The following PRDM5 variants were observed in gnomAD, a reference collection of about 807,000 sequenced individuals.
PRDM5 encodes the protein PR domain zinc finger protein 5.
Under a neutral mutation model 81.2 loss-of-function variants are expected in PRDM5, and 56 were observed. The ratio of observed to expected loss-of-function variants is 0.69; its 90% CI spans 0.56 to 0.86. The LOEUF (loss-of-function observed/expected upper bound fraction) is 0.86. PRDM5 is among the 40% of genes least tolerant of loss of function. The pLI is 0.00. For missense variants in PRDM5, 697 were observed against 770.1 expected, an observed-to-expected ratio of 0.91 and a Z score of 1.12; for synonymous variants, 267 against 256.4, an observed-to-expected ratio of 1.04 and a Z score of -0.39.
chr4:120,899,607 C>T (rs1765021772), intron 2 of PRDM5, among the ~76,000 whole-genome samples: 1 of 152,184 alleles, frequency 6.6e-6, no homozygotes, highest in Non-Finnish European at 1.5e-5. Context: ...CAGAACACTT[C>T]TACTACCACA....
chr4:120,803,132 T>C (rs1040817326), intron 8 of PRDM5, among the ~76,000 whole-genome samples: 1 of 151,822 alleles, frequency 6.6e-6, no homozygotes, highest in African/African-American at 2.4e-5. Flanking sequence ...ATGGATGAAA[T>C]GAAGCGAGAA....
chr4:120,696,157 A>G (rs192279716), intron 15 of PRDM5, among the ~76,000 whole-genome samples: 3 of 152,132 alleles, frequency 2.0e-5, no homozygotes, highest in Non-Finnish European at 2.9e-5. Context: ...TAATTGGGTA[A>G]GAAGGGGGTA....
At position 120,823,868 on chromosome 4, in the gene PRDM5, G is replaced by T. The variant is rs540614485; in HGVS notation, c.301-2523C>A. ...GCCTGATGGGAAGTGTTTGGGTCAT[G>T]GGGACAGACCTCTCATACATGGCTT... On this transcript the variant is annotated intron_variant, in intron 3 of 15. Coordinates refer to ENST00000264808, the MANE Select transcript of PRDM5 (RefSeq NM_018699.4). Among the ~76,000 whole-genome samples the T allele has an allele frequency of 2.6e-5, 4 of 152,322 alleles. No individual in the cohort carries two copies. The South Asian group carries it at 6.2e-4, about 24-fold the overall frequency.
downstream of PRDM5, among the ~76,000 whole-genome samples, chr4:120,690,756 C>A (rs535691000): frequency 6.6e-6 from 1 of 152,188 alleles, no homozygotes; most frequent in South Asian, 2.1e-4. Flanking sequence ...TTAAGTGTAG[C>A]TAATTCCTAG....
chr4:120,829,024 G>C (rs1015219), intron 3 of PRDM5, among the ~76,000 whole-genome samples: 8,066 of 152,044 alleles, frequency 0.053, 342 homozygotes, highest in Middle Eastern at 0.15. Flanking sequence ...GAATTTAAAA[G>C]GAAAAGTACA....
At chr4:120,742,202 ACCT>A (rs1324713170) in intron 14 of PRDM5, among the ~76,000 whole-genome samples, 1 of 152,160 alleles carries the variant, frequency 6.6e-6, no homozygotes, top group Non-Finnish European at 1.5e-5. Flanking sequence ...ACTCCAACAG[ACCT>A]GAAGCTGAGG....
chr4:120,866,850 T>C (rs143224175), intron 2 of PRDM5, among the ~76,000 whole-genome samples: 1 of 152,330 alleles, frequency 6.6e-6, no homozygotes, highest in East Asian at 1.9e-4. Context: ...ATATCACTCC[T>C]ATGATCATGT....
intron 2 of PRDM5, among the ~76,000 whole-genome samples, chr4:120,903,294 A>G (rs1765411902): frequency 6.6e-6 from 1 of 152,190 alleles, no homozygotes; most frequent in Admixed American, 6.5e-5. Flanking sequence ...TCCCTTTGGA[A>G]AGACTCAAAC....
At chr4:120,723,830 C>A (rs889126439) in intron 14 of PRDM5, among the ~76,000 whole-genome samples, 1 of 149,962 alleles carries the variant, frequency 6.7e-6, no homozygotes, top group Non-Finnish European at 1.5e-5. Flanking sequence ...ATGTAACTGT[C>A]TTTTTCTCTT....
chr4:120,758,181 T>C (rs1770661535), intron 13 of PRDM5, among the ~76,000 whole-genome samples: 1 of 152,206 alleles, frequency 6.6e-6, no homozygotes, highest in South Asian at 2.1e-4. Context: ...CCTCCATAAC[T>C]GTGTAAGCCA....
At chr4:120,723,489 G>C (rs1237041049) in intron 14 of PRDM5, among the ~76,000 whole-genome samples, 1 of 151,950 alleles carries the variant, frequency 6.6e-6, no homozygotes, top group East Asian at 1.9e-4. Flanking sequence ...TCTTACAAAA[G>C]AAGAATAATC....
At chr4:120,902,424 T>C (rs1443422462) in intron 2 of PRDM5, among the ~76,000 whole-genome samples, 1 of 152,218 alleles carries the variant, frequency 6.6e-6, no homozygotes, top group Non-Finnish European at 1.5e-5. Context: ...ACATAGGTCA[T>C]AGGTCATAGA....
In PRDM5 at chr4:120,887,871, C is replaced by T. The variant is rs574648439; in HGVS notation, c.177+19603G>A. Reference sequence around the variant, plus strand: ...GCAGTGGCGCAATCTCGGCTCACTGCAAGCTCCGCCTCCCGGGTTCACGCC... The same window carrying T: ...GCAGTGGCGCAATCTCGGCTCACTGTAAGCTCCGCCTCCCGGGTTCACGCC... On this transcript the variant is annotated intron_variant, in intron 2 of 15. Transcript: ENST00000264808. Among the ~76,000 whole-genome samples the T allele has an allele frequency of 3.6e-5, 2 of 55,934 alleles. 1 individual carries two copies. The highest frequency in any genetic ancestry group is 1.1e-3 in the South Asian group (2 of 1,800). The allele number at this position is 55,934 out of a possible 152,430, so 36.7% of individuals were successfully genotyped here.
At chr4:120,785,219 T>G (rs1348286746) in intron 10 of PRDM5, 128 bp from the exon 11 acceptor site, 10 of 723,938 alleles carry the variant, frequency 1.4e-5, no homozygotes, top group Admixed American at 2.2e-5. Flanking sequence ...TTTCTTCTAG[T>G]GCCATTCTTC....
At chr4:120,832,075 T>C (rs1486304307) in intron 3 of PRDM5, among the ~76,000 whole-genome samples, 1 of 152,126 alleles carries the variant, frequency 6.6e-6, no homozygotes, top group African/African-American at 2.4e-5. Flanking sequence ...GGAAGCTCCA[T>C]GGGGAAGGGA....
chr4:120,913,704 T>C (rs944537659), intron 1 of PRDM5, among the ~76,000 whole-genome samples: 4 of 152,222 alleles, frequency 2.6e-5, no homozygotes, highest in African/African-American at 9.6e-5. Flanking sequence ...CCTTAGGTTC[T>C]GGCAGAAATC....
chr4:120,833,905 G>A (rs947996886), intron 3 of PRDM5, among the ~76,000 whole-genome samples: 4 of 152,148 alleles, frequency 2.6e-5, no homozygotes, highest in Non-Finnish European at 5.9e-5. Context: ...CTCTGAATCT[G>A]TGAAAGCTAG....
intron 14 of PRDM5, among the ~76,000 whole-genome samples, chr4:120,721,250 C>T (rs1250308287): frequency 6.6e-6 from 1 of 152,168 alleles, no homozygotes; most frequent in Non-Finnish European, 1.5e-5. Context: ...CCCTAATATT[C>T]TCCTAATTTC....
intron 3 of PRDM5, among the ~76,000 whole-genome samples, chr4:120,849,631 TAGCAC>T (rs1759041091): frequency 6.6e-6 from 1 of 152,164 alleles, no homozygotes; most frequent in Non-Finnish European, 1.5e-5. Flanking sequence ...ATATGAGATG[TAGCAC>T]TCCATCTCTG....
Sources: allele counts gnomAD v4.1 joint callset (sites outside exome capture counted in the v4.1 genomes callset), GRCh38; gene constraint gnomAD v4.1.1; transcripts MANE v1.5; gene names NCBI Gene and HGNC (gene_info 2026-07-23, HGNC 2026-07-21).